GPR176: variants seen among roughly 807,000 people sequenced by gnomAD.
GPR176 encodes G-protein coupled receptor 176.
A neutral mutation model predicts 35.4 loss-of-function variants in GPR176; 26 were observed. The observed-to-expected ratio is 0.74, with a 90% CI of 0.54 to 1.02. GPR176 has a LOEUF of 1.02. GPR176 is among the 50% of genes least tolerant of loss of function. GPR176 has a pLI of 0.00. For missense variants in GPR176, 597 were observed against 665.3 expected, an observed-to-expected ratio of 0.90 and a Z score of 1.13; for synonymous variants, 278 against 271.3, an observed-to-expected ratio of 1.02 and a Z score of -0.24.
chr15:39,877,278 G>C (rs192849602), intron 1 of GPR176, among the ~76,000 whole-genome samples: 2 of 152,154 alleles, frequency 1.3e-5, no homozygotes, highest in East Asian at 1.9e-4. Flanking sequence ...AAAGCTAAGA[G>C]GAGAATAAGT....
intron 1 of GPR176, chr15:39,815,359 G>C (rs1254862996): frequency 6.6e-6 from 1 of 152,268 alleles, no homozygotes; most frequent in African/African-American, 2.4e-5. Flanking sequence ...GTGCTCCTCT[G>C]GCAGAATCAC....
chr15:39,860,754 T>C (rs972623750), intron 1 of GPR176: 22 of 152,308 alleles, frequency 1.4e-4, no homozygotes, highest in African/African-American at 5.3e-4. Flanking sequence ...AAGAGCCTGA[T>C]TGACTTTGCT....
At chr15:39,915,319 G>A (rs1395797401) in intron 1 of GPR176, among the ~76,000 whole-genome samples, 2 of 152,130 alleles carry the variant, frequency 1.3e-5, no homozygotes, top group Admixed American at 1.3e-4. Context: ...AAGAAAGAGA[G>A]GGCAAGCTCT....
intron 2 of GPR176, among the ~76,000 whole-genome samples, chr15:39,805,457 A>G (rs1899129441): frequency 6.6e-6 from 1 of 152,146 alleles, no homozygotes; most frequent in Admixed American, 6.5e-5. Context: ...GGAATTCTAA[A>G]TTTTTTTATT....
At chr15:39,884,455 T>C (rs1195185651) in intron 1 of GPR176, among the ~76,000 whole-genome samples, 1 of 152,248 alleles carries the variant, frequency 6.6e-6, no homozygotes, top group Non-Finnish European at 1.5e-5. Context: ...TTTGACTTTA[T>C]GTATCAGAAA....
At chr15:39,835,720 G>A (rs1281236447) in intron 1 of GPR176, among the ~76,000 whole-genome samples, 5 of 152,198 alleles carry the variant, frequency 3.3e-5, no homozygotes, top group African/African-American at 1.2e-4. Context: ...ACTCTTATGT[G>A]ACACTTTGCA....
chr15:39,903,120 A>G (rs1311872899), intron 1 of GPR176, among the ~76,000 whole-genome samples: 1 of 152,238 alleles, frequency 6.6e-6, no homozygotes, highest in Admixed American at 6.5e-5. Flanking sequence ...TTCTGAGCTC[A>G]TTTAAAGTAG....
chr15:39,803,268 C>CTTTT (rs1566933781), intron 2 of GPR176, among the ~76,000 whole-genome samples: 1 of 112,820 alleles, frequency 8.9e-6, no homozygotes, highest in Non-Finnish European at 1.9e-5. Context: ...ATAACAAGTA[C>CTTTT]TTCTTTTTTT....
At chr15:39,876,958 AG>A (rs1172386532) in intron 1 of GPR176, among the ~76,000 whole-genome samples, 4 of 152,156 alleles carry the variant, frequency 2.6e-5, no homozygotes, top group Non-Finnish European at 4.4e-5. Context: ...TCTTAGAATC[AG>A]GGGGAAAAAA....
At chr15:39,914,057 A>G (rs2033658605) in intron 1 of GPR176, among the ~76,000 whole-genome samples, 2 of 152,152 alleles carry the variant, frequency 1.3e-5, no homozygotes, top group Admixed American at 1.3e-4. Context: ...AAAAACAAAC[A>G]AACAAACAAA....
At chr15:39,874,569 A>G (rs2032170451) in intron 1 of GPR176, among the ~76,000 whole-genome samples, 1 of 152,210 alleles carries the variant, frequency 6.6e-6, no homozygotes, top group Non-Finnish European at 1.5e-5. Flanking sequence ...TTCAGAAACA[A>G]TCTGGTGTCA....
At chr15:39,817,703 C>G (rs918356924) in intron 1 of GPR176, among the ~76,000 whole-genome samples, 2 of 151,434 alleles carry the variant, frequency 1.3e-5, no homozygotes, top group Admixed American at 6.6e-5. Context: ...AGAGAGAGAG[C>G]AAGAGAGAGA....
At chr15:39,918,733 C>CA (rs2033793834) in intron 1 of GPR176, among the ~76,000 whole-genome samples, 1 of 151,820 alleles carries the variant, frequency 6.6e-6, no homozygotes, top group African/African-American at 2.4e-5. Flanking sequence ...ATCCTCGTAA[C>CA]AAAAAAATCG....
At position 39,848,779 on chromosome 15, in the gene GPR176, T is replaced by C. The variant is rs993583604; in HGVS notation, c.173-41521A>G. On this transcript the variant is annotated intron_variant, in intron 1 of 2. Transcript: ENST00000561100. The stretch of plus-strand genomic sequence containing the variant: ...GTTGAACTTAACAAAAATGAAAATA[T>C]GTACAACCTATCAAAATTTGTGGGA... Among the ~76,000 whole-genome samples, 5 of 151,684 alleles carry C rather than the reference T, an allele frequency of 3.3e-5. No homozygotes were observed. The East Asian group carries it at 9.7e-4, about 29-fold the overall frequency.
chr15:39,856,421 G>C (rs2031223465), intron 1 of GPR176, among the ~76,000 whole-genome samples: 1 of 152,182 alleles, frequency 6.6e-6, no homozygotes, highest in Non-Finnish European at 1.5e-5. Context: ...ATGTATGATG[G>C]GTAAGTCAGG....
chr15:39,856,547 C>T (rs146635673), intron 1 of GPR176, among the ~76,000 whole-genome samples: 1 of 152,332 alleles, frequency 6.6e-6, no homozygotes, highest in Non-Finnish European at 1.5e-5. Context: ...ATGCTCTGTT[C>T]ACCCACATGG....
At chr15:39,908,550 C>CTTTT (rs199790696) in intron 1 of GPR176, among the ~76,000 whole-genome samples, 1 of 144,068 alleles carries the variant, frequency 6.9e-6, no homozygotes, top group African/African-American at 2.5e-5. Context: ...AGGAGATTTT[C>CTTTT]TTTTTTTTTT....
intron 2 of GPR176, among the ~76,000 whole-genome samples, chr15:39,805,220 C>T (rs1284654816): frequency 2.0e-5 from 3 of 152,012 alleles, no homozygotes; most frequent in Admixed American, 6.6e-5. Context: ...GTGTACCCAC[C>T]GGAAGTACTC....
chr15:39,831,809 C>T (rs929507382), intron 1 of GPR176, among the ~76,000 whole-genome samples: 5 of 152,086 alleles, frequency 3.3e-5, no homozygotes, highest in African/African-American at 1.2e-4. Context: ...CCGTATCCTC[C>T]ACTGGCTCCT....
Sources: gnomAD v4.1 joint callset for allele counts (sites outside exome capture counted in the v4.1 genomes callset) on GRCh38, gnomAD v4.1.1 for gene constraint, MANE v1.5 for transcripts, NCBI Gene and HGNC (gene_info 2026-07-23, HGNC 2026-07-21) for gene names.